Variants in CERT1 observed in about 807,000 individuals in gnomAD.
CERT1 encodes ceramide transporter 1.
CERT1 carries 31 observed loss-of-function variants against 87.9 expected under a neutral mutation model. That is an observed-to-expected ratio of 0.35 (90% confidence interval 0.27 to 0.48). The LOEUF (loss-of-function observed/expected upper bound fraction) is 0.48. Among genes scored for constraint, CERT1 ranks in the 20% least tolerant of loss-of-function variants. The pLI is 0.99. For synonymous variants in CERT1, 289 were observed against 250.9 expected (o/e 1.15, Z -1.44); for missense variants, 487 against 758.0 (o/e 0.64, Z 4.20).
At chr5:75,402,756 C>T (rs977912318) in intron 9 of CERT1, 6 of 314,570 alleles carry the variant, frequency 1.9e-5, no homozygotes, top group South Asian at 1.0e-4. Flanking sequence ...GCCGAGATCG[C>T]GCCACTGCAT....
chr5:75,408,151 G>T (rs748664029), intron 8 of CERT1, among the ~76,000 whole-genome samples: 1 of 152,094 alleles, frequency 6.6e-6, no homozygotes, highest in Non-Finnish European at 1.5e-5. Context: ...CCACAAACAA[G>T]TGTATTAGGG....
intron 2 of CERT1, among the ~76,000 whole-genome samples, chr5:75,492,998 A>G (rs1450926933): frequency 6.6e-6 from 1 of 152,252 alleles, no homozygotes; most frequent in Non-Finnish European, 1.5e-5. Context: ...ACAAGTTCAC[A>G]GTTTATACTG....
chr5:75,479,583 T>C lies in CERT1; in HGVS notation c.232-20402A>G, dbSNP rs150324517. On this transcript the variant is annotated intron_variant, in intron 2 of 16. Transcript: ENST00000643780. The stretch of plus-strand genomic sequence containing the variant: ...CATTACTATGCTAAGGATAATAGTC[T>C]CCAGCTCCATCCACGTTCCTGCAAA... 9.2e-5 allele frequency among the ~76,000 whole-genome samples: 14 copies of C among 152,306 alleles called. No homozygotes were observed. The East Asian group carries it at 2.5e-3, about 27-fold the overall frequency.
At chr5:75,381,236 C>A (rs369711101) in intron 15 of CERT1, 35 bp from the exon 16 acceptor site, 16 of 1,611,774 alleles carry the variant, frequency 9.9e-6, no homozygotes, top group African/African-American at 1.3e-5. Flanking sequence ...CAGTAGATAC[C>A]CAGTATTTTG....
intron 3 of CERT1, among the ~76,000 whole-genome samples, chr5:75,436,920 G>A (rs979370033): frequency 2.0e-4 from 31 of 152,050 alleles, no homozygotes; most frequent in Non-Finnish European, 1.8e-4. Flanking sequence ...GGGACTAATG[G>A]CATGCAGCAA....
At chr5:75,384,014 G>A (rs1435104684) in intron 14 of CERT1, among the ~76,000 whole-genome samples, 1 of 152,030 alleles carries the variant, frequency 6.6e-6, no homozygotes, top group Non-Finnish European at 1.5e-5. Context: ...CTCAAGTCAC[G>A]CTCTGTGATT....
At chr5:75,510,726 C>T (rs1767914192) in intron 1 of CERT1, among the ~76,000 whole-genome samples, 1 of 152,136 alleles carries the variant, frequency 6.6e-6, no homozygotes. Flanking sequence ...GGCTTGGCAT[C>T]CTCAGAGAGA....
intron 8 of CERT1, 47 bp from the exon 9 acceptor site, chr5:75,403,105 A>C (rs1030817059): frequency 2.4e-5 from 30 of 1,269,810 alleles, no homozygotes; most frequent in Non-Finnish European, 3.2e-5. Flanking sequence ...TTAAAGAAAC[A>C]GAAAACTCTG....
At chr5:75,454,832 C>T (rs1420456313) in intron 3 of CERT1, among the ~76,000 whole-genome samples, 1 of 152,148 alleles carries the variant, frequency 6.6e-6, no homozygotes, top group Non-Finnish European at 1.5e-5. Context: ...TTTTAAAAAT[C>T]GCAAGTTTTG....
chr5:75,471,746 C>T (rs1340406859), intron 2 of CERT1, among the ~76,000 whole-genome samples: 1 of 117,934 alleles, frequency 8.5e-6, no homozygotes, highest in Admixed American at 9.9e-5. Flanking sequence ...CAGAGTGAGA[C>T]TTCATCTCAA....
Position 75,408,484 on chromosome 5 carries a change from T to C in CERT1, c.930+2527A>G, listed in dbSNP as rs548608893. On this transcript the variant is annotated intron_variant, in intron 8 of 16. Coordinates refer to ENST00000643780, the MANE Select transcript of CERT1 (RefSeq NM_001379029.1). ...CATCTCGTTATTGGGCCGTGAGAAA[T>C]AGCAGCCCGAACCTCAGTTTGGTCC... Among the ~76,000 whole-genome samples, 172 of 152,180 alleles carry C rather than the reference T, an allele frequency of 1.1e-3. 1 individual carries two copies. The South Asian group carries it at 0.035, about 31-fold the overall frequency.
At chr5:75,390,476 T>A (rs923576484) in intron 11 of CERT1, among the ~76,000 whole-genome samples, 8 of 152,092 alleles carry the variant, frequency 5.3e-5, no homozygotes, top group Admixed American at 2.0e-4. Context: ...AATTTATAAC[T>A]TTTTCCTGAT....
chr5:75,495,164 A>G (rs1037400318), intron 2 of CERT1, among the ~76,000 whole-genome samples: 9 of 152,226 alleles, frequency 5.9e-5, no homozygotes, highest in African/African-American at 1.9e-4. Flanking sequence ...GAGGGAAAGT[A>G]TATTTTTAAA....
At chr5:75,390,296 A>T (rs1761978471) in intron 11 of CERT1, among the ~76,000 whole-genome samples, 1 of 152,218 alleles carries the variant, frequency 6.6e-6, no homozygotes, top group South Asian at 2.1e-4. Flanking sequence ...CATGGAATAT[A>T]AGCCAATTTA....
chr5:75,497,602 G>A (rs1030497173), intron 2 of CERT1, among the ~76,000 whole-genome samples: 1 of 152,068 alleles, frequency 6.6e-6, no homozygotes, highest in African/African-American at 2.4e-5. Context: ...GGTTTTATAA[G>A]GGCTTTCCCA....
At chr5:75,489,615 G>C (rs927981397) in intron 2 of CERT1, among the ~76,000 whole-genome samples, 1 of 152,116 alleles carries the variant, frequency 6.6e-6, no homozygotes, top group African/African-American at 2.4e-5. Context: ...ACATTTATGT[G>C]GCCAACAAAC....
At chr5:75,508,311 C>G (rs1767753762) in intron 1 of CERT1, among the ~76,000 whole-genome samples, 1 of 152,156 alleles carries the variant, frequency 6.6e-6, no homozygotes, top group African/African-American at 2.4e-5. Context: ...TAGAACAGTG[C>G]CTGGACATAG....
Position 75,384,645 on chromosome 5 carries a change from G to C in CERT1, c.1485C>G (p.His495Gln). Reference sequence around the variant, plus strand: ...GGATGAATGAAGAGATCTTTACCTTGTGTGTTTGATAAATGATGATTGCAT... The same window carrying C: ...GGATGAATGAAGAGATCTTTACCTTCTGTGTTTGATAAATGATGATTGCAT... ...ADNAIIIYQT[H>Q]KRVWPASQRD... The change falls in exon 14 of 17, where the codon CAC becomes CAG. Residue 495 changes from histidine (H) to glutamine (Q), a missense_variant. Around this residue, in one of 8 missense-constraint regions of CERT1, gnomAD observed 147 missense variants for 200.8 expected, o/e 0.73. Coordinates refer to ENST00000643780, the MANE Select transcript of CERT1 (RefSeq NM_001379029.1). The C allele has an allele frequency of 6.3e-7, 1 of 1,595,152 alleles. No homozygotes were observed. Among genetic ancestry groups the C allele is most frequent in the Admixed American group, 1.7e-5 (1 of 59,914 alleles).
chr5:75,373,670 T>C (rs530331135), downstream of CERT1: 39 of 156,784 alleles, frequency 2.5e-4, no homozygotes, highest in South Asian at 1.8e-3. Context: ...TCTATGATTA[T>C]ACAAAGCAAA....
Sources: gnomAD v4.1 joint callset for allele counts (sites outside exome capture counted in the v4.1 genomes callset) on GRCh38, gnomAD v4.1.1 for gene constraint, gnomAD v4.1.1 regional missense constraint, MANE v1.5 for transcripts, NCBI Gene and HGNC (gene_info 2026-07-23, HGNC 2026-07-21) for gene names.